PMPCB: variants seen among roughly 807,000 people sequenced by gnomAD.
The protein encoded by PMPCB is peptidase, mitochondrial processing subunit beta, also known as mitochondrial-processing peptidase subunit beta.
PMPCB carries 46 observed loss-of-function variants against 61.5 expected under a neutral mutation model. The observed-to-expected ratio is 0.75, with a 90% CI of 0.59 to 0.96. The LOEUF (loss-of-function observed/expected upper bound fraction) is 0.96. PMPCB is among the 40% of genes least tolerant of loss of function. The pLI is 0.00. For missense variants in PMPCB, 590 were observed against 602.4 expected, an observed-to-expected ratio of 0.98 and a Z score of 0.22; for synonymous variants, 191 against 201.6, an observed-to-expected ratio of 0.95 and a Z score of 0.44.
At chr7:103,303,084 A>G (rs933802652) in intron 4 of PMPCB, among the ~76,000 whole-genome samples, 1 of 152,012 alleles carries the variant, frequency 6.6e-6, no homozygotes, top group Non-Finnish European at 1.5e-5. Flanking sequence ...TTTGCAAATT[A>G]GGGTTTGAGA....
chr7:103,320,919 C>A, intron 12 of PMPCB: 1 of 157,732 alleles, frequency 6.3e-6, no homozygotes. Context: ...TATGCTTGGC[C>A]AGGTGCAGTG....
intron 8 of PMPCB, among the ~76,000 whole-genome samples, chr7:103,309,575 C>A (rs1275020061): frequency 6.6e-6 from 1 of 152,014 alleles, no homozygotes; most frequent in Admixed American, 6.5e-5. Context: ...TTAAAGTATA[C>A]AGGAGAATGT....
downstream of PMPCB, chr7:103,315,821 T>C (rs1818019929): frequency 6.2e-7 from 1 of 1,613,796 alleles, no homozygotes; most frequent in Admixed American, 1.7e-5. Flanking sequence ...CCATGTTCTT[T>C]TTTGAACTTA....
rs757984235 is a variant in PMPCB, at chr7:103,300,758, C to T, written c.457+451C>T. ...GGAGTGCAGTGGTGTGATCTCGGCT[C>T]GCTGCAACCTCTGCCTCCTGGGTTC... is the stretch of plus-strand genomic sequence containing the variant. On this transcript the variant is annotated intron_variant, in intron 4 of 12. Transcript: ENST00000249269. Among the ~76,000 whole-genome samples the T allele has an allele frequency of 1.7e-4, 25 of 150,284 alleles. 1 individual carries two copies. The highest frequency in any genetic ancestry group is 3.3e-4 in the Admixed American group (5 of 15,140).
chr7:103,299,768 T>G (rs1817398068), intron 3 of PMPCB, among the ~76,000 whole-genome samples: 1 of 152,186 alleles, frequency 6.6e-6, no homozygotes, highest in Non-Finnish European at 1.5e-5. Context: ...GTACCTTATT[T>G]TTTTTTATTT....
chr7:103,320,621 G>A (rs1195508818), intron 12 of PMPCB, among the ~76,000 whole-genome samples: 1 of 150,988 alleles, frequency 6.6e-6, no homozygotes, highest in Non-Finnish European at 1.5e-5. Context: ...TTAGCCGGGC[G>A]TGGTCCCAGC....
the PMPCB span, among the ~76,000 whole-genome samples, chr7:103,341,025 CTT>C: frequency 6.6e-6 from 1 of 152,208 alleles, no homozygotes; most frequent in South Asian, 2.1e-4. Flanking sequence ...GAATACTTCT[CTT>C]TGTCTTGTGC....
intron 12 of PMPCB, among the ~76,000 whole-genome samples, chr7:103,320,128 G>A (rs1056753302): frequency 2.1e-4 from 32 of 152,190 alleles, no homozygotes; most frequent in African/African-American, 6.7e-4. Flanking sequence ...TCTCACTGTC[G>A]CCCAGGCTGG....
At chr7:103,326,415 G>A in intron 12 of PMPCB, 1 of 901,236 alleles carries the variant, frequency 1.1e-6, no homozygotes. Flanking sequence ...AGAAGGAGGA[G>A]GAGGAGGAAG....
Position 103,298,680 on chromosome 7 carries a change from CGG to C in PMPCB, c.213_214del (p.Glu72ArgfsTer14). ...TTAGAAAGTGGACTCAGAGTAGCTT[CGG>C]AAGACTCTGGGCTCTCAACATGCAC... On this transcript the variant is annotated frameshift_variant, in exon 2 of 13. Transcript: ENST00000249269. LOFTEE classifies it high-confidence loss of function. 6.2e-7 allele frequency: 1 copy of C among 1,614,080 alleles called. No individual in the cohort carries two copies.
intron 7 of PMPCB, among the ~76,000 whole-genome samples, chr7:103,308,660 C>G (rs190754658): frequency 6.6e-6 from 1 of 151,970 alleles, no homozygotes; most frequent in African/African-American, 2.4e-5. Flanking sequence ...TTGACAAACA[C>G]AAAGGATTGA....
At chr7:103,315,687 T>C (rs959334452), downstream of PMPCB, 17 of 930,326 alleles carry the variant, frequency 1.8e-5, no homozygotes, top group East Asian at 4.9e-5. Context: ...ATTCTGAACA[T>C]AGACCCTAAG....
chr7:103,320,086 GTTT>G (rs1156248482), intron 12 of PMPCB, among the ~76,000 whole-genome samples: 1 of 151,970 alleles, frequency 6.6e-6, no homozygotes, highest in Non-Finnish European at 1.5e-5. Context: ...CAGTGTAAAT[GTTT>G]TTAACTTTTT....
chr7:103,329,305 A>C (rs1037439190), exon 13 of PMPCB: 37 of 176,850 alleles, frequency 2.1e-4, no homozygotes, highest in African/African-American at 8.6e-4. Context: ...TGAGGCACAG[A>C]GGAGACGTTA....
intron 11 of PMPCB, 33 bp downstream of exon 11, chr7:103,311,929 G>GT (rs759780886): frequency 1.4e-5 from 21 of 1,531,640 alleles, no homozygotes; most frequent in Non-Finnish European, 1.7e-5. Context: ...TGGGTCATGT[G>GT]TAAAAAGATC....
chr7:103,340,454 CTTA>C, the PMPCB span, among the ~76,000 whole-genome samples: 1 of 152,154 alleles, frequency 6.6e-6, no homozygotes, highest in African/African-American at 2.4e-5. Context: ...CATAGGAACT[CTTA>C]TTATCCATTA....
At chr7:103,308,912 T>G in intron 7 of PMPCB, 40 bp from the exon 8 acceptor site, 1 of 1,494,126 alleles carries the variant, frequency 6.7e-7, no homozygotes, top group African/African-American at 1.4e-5. Context: ...TTATATAATG[T>G]TAATCTTAAC....
chr7:103,306,679 C>T (rs1817601752), intron 6 of PMPCB, among the ~76,000 whole-genome samples: 4 of 152,126 alleles, frequency 2.6e-5, no homozygotes. Context: ...GCCACCACAC[C>T]AGGCCCTGTT....
the PMPCB span, chr7:103,344,791 C>T: frequency 2.2e-4 from 146 of 665,124 alleles, no homozygotes; most frequent in Non-Finnish European, 3.2e-4. Flanking sequence ...ATGGATCTTT[C>T]GTGGTGTGGA....
Sources: gnomAD v4.1 joint callset for allele counts (sites outside exome capture counted in the v4.1 genomes callset) on GRCh38, gnomAD v4.1.1 for gene constraint, MANE v1.5 for transcripts, NCBI Gene and HGNC (gene_info 2026-07-23, HGNC 2026-07-21) for gene names.